Variants in VTI1A observed in about 807,000 individuals in gnomAD.
The protein encoded by VTI1A is vesicle transport through interaction with t-SNAREs homolog 1A.
Under a neutral mutation model 34.9 loss-of-function variants are expected in VTI1A, and 22 were observed. That is an observed-to-expected ratio of 0.63 (90% CI 0.45 to 0.90). The LOEUF (loss-of-function observed/expected upper bound fraction) is 0.90, where lower values mean the gene tolerates loss of function less well. VTI1A is among the 40% of genes least tolerant of loss of function. The probability of loss-of-function intolerance (pLI) is 0.00; values close to 1 mark genes in which losing one functional copy is unlikely to be tolerated. For synonymous variants in VTI1A, 87 were observed against 97.3 expected (o/e 0.89, Z 0.62); for missense variants, 268 against 275.6 (o/e 0.97, Z 0.20).
chr10:112,737,620 A>AG, intron 7 of VTI1A: 1 of 1,048,672 alleles, frequency 9.5e-7, no homozygotes, highest in Non-Finnish European at 1.2e-6. Flanking sequence ...CTGAAGGCAA[A>AG]GCCTCTATGT....
At chr10:112,781,100 A>G (rs1001742693) in intron 7 of VTI1A, among the ~76,000 whole-genome samples, 2 of 152,062 alleles carry the variant, frequency 1.3e-5, no homozygotes, top group African/African-American at 4.8e-5. Context: ...GCACACCGCC[A>G]TGGCCGGGTA....
At chr10:112,700,141 CAAAAA>C (rs1242861727) in intron 7 of VTI1A, among the ~76,000 whole-genome samples, 8 of 104,084 alleles carry the variant, frequency 7.7e-5, no homozygotes, top group African/African-American at 2.1e-4. Context: ...AAAAACAAAA[CAAAAA>C]AAAAAAAACA....
At chr10:112,519,847 T>C (rs1025782630) in intron 3 of VTI1A, among the ~76,000 whole-genome samples, 7 of 152,080 alleles carry the variant, frequency 4.6e-5, no homozygotes, top group African/African-American at 1.4e-4. Flanking sequence ...TGTTCTTGGA[T>C]GTTTAGATCA....
intron 7 of VTI1A, among the ~76,000 whole-genome samples, chr10:112,774,189 G>C (rs1851893747): frequency 6.6e-6 from 1 of 152,222 alleles, no homozygotes. Context: ...TTCAGGTCTG[G>C]AGCTGAGGGC....
chr10:112,642,605 G>A (rs1338784336), intron 5 of VTI1A, among the ~76,000 whole-genome samples: 2 of 150,588 alleles, frequency 1.3e-5, no homozygotes, highest in Admixed American at 6.6e-5. Context: ...TAGTATACAG[G>A]GTAGTGTGTG....
At chr10:112,809,801 C>T (rs1853220846) in intron 7 of VTI1A, among the ~76,000 whole-genome samples, 1 of 152,098 alleles carries the variant, frequency 6.6e-6, no homozygotes, top group South Asian at 2.1e-4. Context: ...AAAAGAAATT[C>T]GGACTGTGGA....
intron 3 of VTI1A, among the ~76,000 whole-genome samples, chr10:112,507,336 C>A (rs1849466116): frequency 6.6e-6 from 1 of 152,146 alleles, no homozygotes; most frequent in Non-Finnish European, 1.5e-5. Flanking sequence ...TCCGTATATT[C>A]TCCAGTCATG....
chr10:112,600,931 A>C lies in VTI1A; in HGVS notation c.427+62601A>C, dbSNP rs1215421831. Among the ~76,000 whole-genome samples the C allele has an allele frequency of 3.3e-5, 5 of 152,260 alleles. No homozygotes were observed. In the East Asian group the frequency reaches 9.6e-4, roughly 29 times the overall value. ...GCTTTAAAATATGCAAATATGAAGA[A>C]AGTGCAATCCCTTGCTTGCCCTCAA... On this transcript the variant is annotated intron_variant, in intron 5 of 7. Coordinates refer to ENST00000393077, the MANE Select transcript of VTI1A (RefSeq NM_145206.4).
At chr10:112,583,253 G>A (rs923758146) in intron 5 of VTI1A, among the ~76,000 whole-genome samples, 3 of 152,182 alleles carry the variant, frequency 2.0e-5, no homozygotes, top group Non-Finnish European at 4.4e-5. Context: ...GACACCATAT[G>A]TAGTTTTAAG....
At chr10:112,708,389 G>A (rs1025061014) in intron 7 of VTI1A, among the ~76,000 whole-genome samples, 3 of 152,190 alleles carry the variant, frequency 2.0e-5, no homozygotes, top group Non-Finnish European at 4.4e-5. Context: ...AAGTTACATT[G>A]ATTACAAGAG....
In VTI1A at chr10:112,816,616, G is replaced by T. The variant is rs1853528572; in HGVS notation, c.*1233G>T. 1 of 226,852 alleles carries T rather than the reference G, an allele frequency of 4.4e-6. No individual in the cohort carries two copies. Among genetic ancestry groups the T allele is most frequent in the East Asian group, 6.3e-5 (1 of 15,764 alleles). The allele number at this position is 226,852 out of a possible 1,614,324, so 14.1% of individuals were successfully genotyped here. ...TCATTTGTGATCAGGCTTAAAAGTT[G>T]CCCAAGCTGAGGTCGTTTCCCCCCA... On this transcript the variant is annotated 3_prime_UTR_variant, in exon 8 of 8. Transcript: ENST00000393077.
intron 3 of VTI1A, among the ~76,000 whole-genome samples, chr10:112,497,328 AAATAAT>A (rs1474389886): frequency 1.3e-5 from 2 of 151,602 alleles, no homozygotes; most frequent in African/African-American, 4.8e-5. Flanking sequence ...AAAAAAAAAA[AAATAAT>A]AATAATAAAT....
intron 5 of VTI1A, among the ~76,000 whole-genome samples, chr10:112,636,747 C>G (rs1412294321): frequency 9.1e-6 from 1 of 110,390 alleles, no homozygotes; most frequent in Non-Finnish European, 2.1e-5. Flanking sequence ...AAAAAAAAAA[C>G]TTCAAGTGTA....
intron 3 of VTI1A, among the ~76,000 whole-genome samples, chr10:112,487,518 T>C (rs1848683522): frequency 6.6e-6 from 1 of 152,220 alleles, no homozygotes; most frequent in South Asian, 2.1e-4. Flanking sequence ...CTCCCAGTTC[T>C]TCCTGACCCC....
intron 7 of VTI1A, chr10:112,737,062 C>CT (rs1004056985): frequency 1.2e-3 from 447 of 386,758 alleles, no homozygotes; most frequent in Non-Finnish European, 1.5e-3. Flanking sequence ...AATTTTTTTT[C>CT]TTTTTTTTTC....
Position 112,767,717 on chromosome 10 carries a change from T to C in VTI1A, c.561-47573T>C, listed in dbSNP as rs1237515210. ...TTTCTGTTTCTCTGTATTCTCCCAATTTTCTTGGTTGCGATGAAAAAATAA... is the reference window on the plus strand; with the variant it reads ...TTTCTGTTTCTCTGTATTCTCCCAACTTTCTTGGTTGCGATGAAAAAATAA... On this transcript the variant is annotated intron_variant, in intron 7 of 7. Coordinates refer to ENST00000393077, the MANE Select transcript of VTI1A (RefSeq NM_145206.4). This position sits in a 1 kb window ranked among gnomAD's most constrained non-coding sequence, Gnocchi z 4.0. Among the ~76,000 whole-genome samples, 1 of 152,132 alleles carries C rather than the reference T, an allele frequency of 6.6e-6. No homozygotes were observed. The highest frequency in any genetic ancestry group is 1.5e-5 in the Non-Finnish European group (1 of 68,026).
At chr10:112,601,933 G>A (rs1844895788) in intron 5 of VTI1A, among the ~76,000 whole-genome samples, 1 of 152,138 alleles carries the variant, frequency 6.6e-6, no homozygotes, top group Non-Finnish European at 1.5e-5. Context: ...TTCAAATACA[G>A]ATAAAGACAA....
chr10:112,558,650 G>A (rs1170883212), intron 5 of VTI1A, among the ~76,000 whole-genome samples: 1 of 152,172 alleles, frequency 6.6e-6, no homozygotes, highest in Non-Finnish European at 1.5e-5. Flanking sequence ...TTGGTGCTGG[G>A]CATATACCAG....
At chr10:112,508,669 A>C (rs1849512819) in intron 3 of VTI1A, among the ~76,000 whole-genome samples, 1 of 152,224 alleles carries the variant, frequency 6.6e-6, no homozygotes. Flanking sequence ...GCAGGTAATA[A>C]ATAGCAAAAC....
Sources: allele counts gnomAD v4.1 joint callset (sites outside exome capture counted in the v4.1 genomes callset), GRCh38; gene constraint gnomAD v4.1.1; non-coding constraint Gnocchi (gnomAD v3.1); transcripts MANE v1.5; gene names NCBI Gene and HGNC (gene_info 2026-07-23, HGNC 2026-07-21).